The following ZMYND11 variants were observed in gnomAD, a reference collection of about 807,000 sequenced individuals.
The protein encoded by ZMYND11 is zinc finger MYND-type containing 11.
In ZMYND11, 9 loss-of-function variants were observed where a neutral mutation model predicts 84.9. That is an observed-to-expected ratio of 0.11 (90% CI 0.06 to 0.18). ZMYND11 has a LOEUF of 0.18. Ranked by LOEUF, ZMYND11 falls within the 10% of genes least tolerant of loss-of-function variation. The pLI is 1.00. For missense variants in ZMYND11, 409 were observed against 761.0 expected (o/e 0.54, Z 5.44); for synonymous variants, 250 against 244.1 (o/e 1.02, Z -0.23).
At chr10:232,124 C>T (rs1949106433) in intron 4 of ZMYND11, among the ~76,000 whole-genome samples, 2 of 152,268 alleles carry the variant, frequency 1.3e-5, no homozygotes, top group African/African-American at 4.8e-5. Flanking sequence ...TTTTTCTGAC[C>T]TTGTTGTCAA....
At chr10:139,849 C>T (rs782498115) in intron 1 of ZMYND11, among the ~76,000 whole-genome samples, 3 of 151,654 alleles carry the variant, frequency 2.0e-5, no homozygotes, top group Non-Finnish European at 4.4e-5. Context: ...GTAGCTGGGA[C>T]TACAGGCAGG....
At chr10:191,113 A>G (rs1940257963) in intron 2 of ZMYND11, among the ~76,000 whole-genome samples, 1 of 152,190 alleles carries the variant, frequency 6.6e-6, no homozygotes, top group Non-Finnish European at 1.5e-5. Context: ...GATAACATTA[A>G]ATAGTCATTA....
intron 4 of ZMYND11, among the ~76,000 whole-genome samples, chr10:227,999 A>G (rs1948415429): frequency 6.6e-6 from 1 of 152,232 alleles, no homozygotes; most frequent in African/African-American, 2.4e-5. Flanking sequence ...TTATAATTTT[A>G]TACTAACAAA....
chr10:164,618 TTA>T (rs1164147325), intron 1 of ZMYND11, among the ~76,000 whole-genome samples: 2 of 152,182 alleles, frequency 1.3e-5, no homozygotes, highest in Non-Finnish European at 2.9e-5. Flanking sequence ...TAAATCCCGT[TTA>T]CTCAGATTCC....
chr10:162,260 C>T lies in ZMYND11; in HGVS notation c.-19-17734C>T, dbSNP rs114253188. On this transcript the variant is annotated intron_variant, in intron 1 of 14. Transcript: ENST00000381604. Reference sequence around the variant, plus strand: ...TCTTACATAGGTGTGGTTTGTGGTACCCCAAAATAATTAGTAACAGCAAAG... The same window carrying T: ...TCTTACATAGGTGTGGTTTGTGGTATCCCAAAATAATTAGTAACAGCAAAG... Among the ~76,000 whole-genome samples, 699 of 152,150 alleles carry T rather than the reference C, an allele frequency of 4.6e-3. 5 individuals are homozygous for T. The highest frequency in any genetic ancestry group is 0.016 in the African/African-American group (667 of 41,484).
At position 248,422 on chromosome 10, in the gene ZMYND11, T is replaced by C; in HGVS notation, c.1314T>C (p.Thr438=). Residue 438 remains threonine, a synonymous_variant, in exon 13 of 15, where the codon ACT becomes ACC. Coordinates refer to ENST00000381604, the MANE Select transcript of ZMYND11 (RefSeq NM_001370100.5). ...PQPIEKVSVS[T]QTKKLSASSP... The stretch of plus-strand genomic sequence containing the variant: ...CCATCGAAAAAGTCTCCGTGTCAAC[T>C]CAGACAAAGAAGTTAAGTGCCTCTT... 1 of 1,614,132 alleles carries C rather than the reference T, an allele frequency of 6.2e-7. No homozygotes were observed. Among genetic ancestry groups the C allele is most frequent in the Non-Finnish European group, 8.5e-7 (1 of 1,180,032 alleles).
intron 1 of ZMYND11, among the ~76,000 whole-genome samples, chr10:154,076 G>A (rs782151122): frequency 9.2e-5 from 14 of 152,052 alleles, no homozygotes; most frequent in Non-Finnish European, 1.8e-4. Flanking sequence ...TTAATTGATC[G>A]TCATCCCATG....
At chr10:249,436 A>C (rs1952876228) in intron 14 of ZMYND11, 1 of 985,298 alleles carries the variant, frequency 1.0e-6, no homozygotes, top group African/African-American at 1.7e-5. Context: ...GATGGGTAAC[A>C]TCCAAATGGT....
At chr10:165,063 A>T (rs1315166521) in intron 1 of ZMYND11, among the ~76,000 whole-genome samples, 3 of 151,870 alleles carry the variant, frequency 2.0e-5, no homozygotes, top group African/African-American at 7.3e-5. Flanking sequence ...TACCTCCTTT[A>T]CTTTTGTCAG....
At chr10:134,856 T>A (rs1554751301), upstream of ZMYND11, 2 of 151,866 alleles carry the variant, frequency 1.3e-5, no homozygotes, top group African/African-American at 4.8e-5. Context: ...CTCCAACAAA[T>A]TTCGGATAGA....
intron 7 of ZMYND11, 86 bp downstream of exon 7, chr10:239,611 T>C: frequency 1.1e-6 from 1 of 929,092 alleles, no homozygotes; most frequent in Non-Finnish European, 1.7e-6. Flanking sequence ...AAAACATTAC[T>C]TTCAAAGAAT....
At chr10:240,235 G>A in intron 8 of ZMYND11, 124 bp downstream of exon 8, 4 of 822,162 alleles carry the variant, frequency 4.9e-6, no homozygotes, top group Non-Finnish European at 3.6e-6. Context: ...GCCGGGCGTG[G>A]GGGCTCACGC....
chr10:234,208 C>T (rs765830213), intron 4 of ZMYND11, among the ~76,000 whole-genome samples: 3 of 152,206 alleles, frequency 2.0e-5, no homozygotes, highest in African/African-American at 7.2e-5. Flanking sequence ...GACGTGAAAG[C>T]GCAGAAAGGA....
intron 4 of ZMYND11, among the ~76,000 whole-genome samples, chr10:231,582 C>T (rs1232066033): frequency 6.6e-6 from 1 of 152,180 alleles, no homozygotes; most frequent in African/African-American, 2.4e-5. Context: ...CCTTGGGCAT[C>T]ATTATCAATA....
intron 3 of ZMYND11, among the ~76,000 whole-genome samples, chr10:220,433 T>C (rs17293357): frequency 0.032 from 4,933 of 152,236 alleles, 124 homozygotes; most frequent in Non-Finnish European, 0.049. Context: ...TTAAAGGGTA[T>C]TAGCTGTATA....
At chr10:149,394 T>G (rs1839772023) in intron 1 of ZMYND11, among the ~76,000 whole-genome samples, 1 of 151,540 alleles carries the variant, frequency 6.6e-6, no homozygotes, top group Non-Finnish European at 1.5e-5. Flanking sequence ...CACTGCAAGC[T>G]CCGCCTCCTG....
intron 1 of ZMYND11, among the ~76,000 whole-genome samples, chr10:159,793 ACTCTT>A (rs1338067005): frequency 1.3e-5 from 2 of 150,638 alleles, no homozygotes; most frequent in African/African-American, 4.9e-5. Flanking sequence ...GTTTGTTTCT[ACTCTT>A]TGGTTTTAAA....
intron 1 of ZMYND11, among the ~76,000 whole-genome samples, chr10:139,088 G>A (rs545295915): frequency 6.6e-6 from 1 of 152,206 alleles, no homozygotes; most frequent in South Asian, 2.1e-4. Context: ...CTATAGGCAT[G>A]AGCCACTGTG....
At chr10:131,861 C>T (rs560556400), upstream of ZMYND11, among the ~76,000 whole-genome samples, 38 of 152,182 alleles carry the variant, frequency 2.5e-4, no homozygotes, top group South Asian at 7.3e-3. Context: ...TGGATAGTAG[C>T]AGTTTCAGTC....
Sources: gnomAD v4.1 joint callset for allele counts (sites outside exome capture counted in the v4.1 genomes callset) on GRCh38, gnomAD v4.1.1 for gene constraint, MANE v1.5 for transcripts, NCBI Gene and HGNC (gene_info 2026-07-23, HGNC 2026-07-21) for gene names.